The following POM121 variants were observed in gnomAD, a reference collection of about 807,000 sequenced individuals.
The protein encoded by POM121 is nuclear envelope pore membrane protein POM 121.
POM121 carries 32 observed loss-of-function variants against 81.3 expected under a neutral mutation model. That is an observed-to-expected ratio of 0.39 (90% CI 0.30 to 0.53). The LOEUF (loss-of-function observed/expected upper bound fraction) is 0.53, where lower values mean the gene tolerates loss of function less well. Ranked by LOEUF, POM121 falls within the 20% of genes least tolerant of loss-of-function variation. The probability of loss-of-function intolerance (pLI) is 0.66; values close to 1 mark genes in which losing one functional copy is unlikely to be tolerated. For synonymous variants in POM121, 514 were observed against 694.2 expected (o/e 0.74, Z 4.08); for missense variants, 1,138 against 1,614.6 (o/e 0.70, Z 5.06).
chr7:72,949,980 G>C (rs782420332), downstream of POM121: 2 of 1,603,992 alleles, frequency 1.2e-6, no homozygotes, highest in South Asian at 1.1e-5. Flanking sequence ...CAGAACACAG[G>C]GGCCGGGTAA....
At chr7:72,927,694 C>A (rs1554497819) in intron 3 of POM121, among the ~76,000 whole-genome samples, 1 of 148,354 alleles carries the variant, frequency 6.7e-6, no homozygotes, top group Non-Finnish European at 1.5e-5. Flanking sequence ...GGTGACAAAG[C>A]GAGACTGTCT....
intron 4 of POM121, among the ~76,000 whole-genome samples, chr7:72,916,953 T>G (rs1794344883): frequency 6.6e-6 from 1 of 152,222 alleles, no homozygotes; most frequent in Non-Finnish European, 1.5e-5. Context: ...CTGATTTCCA[T>G]CAATTTATTT....
intron 4 of POM121, 32 bp downstream of exon 4, chr7:72,928,497 A>G (rs782319687): frequency 6.2e-7 from 1 of 1,605,098 alleles, no homozygotes; most frequent in East Asian, 2.2e-5. Context: ...TGAAATACCA[A>G]CTGTTTGGAA....
chr7:72,948,957 G>C (rs782743439), downstream of POM121: 6 of 1,611,636 alleles, frequency 3.7e-6, no homozygotes, highest in East Asian at 1.3e-4. Flanking sequence ...CCTGGCAGAG[G>C]GAGCACATGG....
At chr7:72,908,290 A>G (rs781819844) in intron 3 of POM121, among the ~76,000 whole-genome samples, 6 of 152,198 alleles carry the variant, frequency 3.9e-5, no homozygotes, top group Non-Finnish European at 8.8e-5. Context: ...GAGACATCAC[A>G]TGTCGGCAGG....
rs1476002469 is a variant in POM121, at chr7:72,948,036, T to C, written c.*1802T>C. On this transcript the variant is annotated 3_prime_UTR_variant, in exon 13 of 13. Transcript: ENST00000434423. Reference sequence around the variant, plus strand: ...GGCCTAGCAATCAAGCTTCTACCTGTACCTTATGTAAGGTAGACCCTCCTA... The same window carrying C: ...GGCCTAGCAATCAAGCTTCTACCTGCACCTTATGTAAGGTAGACCCTCCTA... 1 of 1,209,762 alleles carries C rather than the reference T, an allele frequency of 8.3e-7. No individual in the cohort carries two copies. Among genetic ancestry groups the C allele is most frequent in the African/African-American group, 1.6e-5 (1 of 63,540 alleles). The allele number at this position is 1,209,762 out of a possible 1,614,324, so 74.9% of individuals were successfully genotyped here. A position where few individuals can be genotyped will look rare whatever the true frequency, so the allele number is the denominator to read the frequency against.
downstream of POM121, chr7:72,949,629 C>T: frequency 4.6e-6 from 3 of 658,506 alleles, no homozygotes; most frequent in Non-Finnish European, 8.2e-6. Context: ...TTAAAGGGCC[C>T]AGGGTCAGAG....
At position 72,927,007 on chromosome 7, in the gene POM121, T is replaced by C. The variant is rs549135243; in HGVS notation, c.1022+44T>C. 20 of 1,613,696 alleles carry C rather than the reference T, an allele frequency of 1.2e-5. No homozygotes were observed. The South Asian group carries it at 2.0e-4, about 16-fold the overall frequency. ...TACTAAGCCGGTTTCGCGCTTGGAC[T>C]CCTATGGGATGAGATGTAGACATTC... On this transcript the variant is annotated intron_variant, in intron 3 of 12. Transcript: ENST00000434423.
At chr7:72,932,281 T>A (rs1249606092) in intron 5 of POM121, among the ~76,000 whole-genome samples, 1 of 151,908 alleles carries the variant, frequency 6.6e-6, no homozygotes, top group Non-Finnish European at 1.5e-5. Flanking sequence ...TTATTGTTTT[T>A]TAAACGGTAT....
At chr7:72,898,812 A>AT (rs1240430636) in intron 3 of POM121, among the ~76,000 whole-genome samples, 48 of 150,780 alleles carry the variant, frequency 3.2e-4, no homozygotes, top group African/African-American at 1.0e-3. Flanking sequence ...AAAAAAAAAA[A>AT]AAAAATGCTG....
Position 72,925,245 on chromosome 7 carries a change from G to C in POM121, c.124G>C (p.Val42Leu), listed in dbSNP as rs1299665004. The C allele has an allele frequency of 1.3e-6, 2 of 1,533,980 alleles. No individual in the cohort carries two copies. The highest frequency in any genetic ancestry group is 3.9e-5 in the Admixed American group (2 of 50,932). ...ARAVLLGLSL[V>L]GLLLYLVPAA... ...GGCGGTGCTCCTGGGCCTGTCGCTGGTTGGCCTCTTACTGTACCTCGTGCC... is the reference window on the plus strand; with the variant it reads ...GGCGGTGCTCCTGGGCCTGTCGCTGCTTGGCCTCTTACTGTACCTCGTGCC... The change falls in exon 1 of 13, where the codon GTT (valine) becomes CTT (leucine). Residue 42 changes from valine to leucine, a missense_variant. Val to Leu is a conservative substitution (Grantham distance 32). Around this residue, in one of 7 missense-constraint regions of POM121, gnomAD observed 646 missense variants for 633.5 expected, o/e 1.02. Coordinates refer to ENST00000434423, the MANE Select transcript of POM121 (RefSeq NM_001387691.1).
At chr7:72,898,979 C>CTTTTTTTTTTTTTTTTTTTTTTT in intron 3 of POM121, among the ~76,000 whole-genome samples, 1 of 34,102 alleles carries the variant, frequency 2.9e-5, no homozygotes, top group Non-Finnish European at 4.9e-5. Context: ...CTTTTCTTTT[C>CTTTTTTTTTTTTTTTTTTTTTTT]TTTTTTTTTT....
intron 3 of POM121, 108 bp from the exon 4 acceptor site, chr7:72,928,277 A>C (rs1554497929): frequency 6.9e-7 from 1 of 1,441,542 alleles, no homozygotes; most frequent in African/African-American, 1.4e-5. Flanking sequence ...TCTATCATGG[A>C]ATCTGTGCTC....
At chr7:72,930,817 G>C (rs1795942895) in intron 5 of POM121, among the ~76,000 whole-genome samples, 1 of 152,024 alleles carries the variant, frequency 6.6e-6, no homozygotes, top group Non-Finnish European at 1.5e-5. Context: ...AACAGAGCAA[G>C]ACTGTGTCTC....
exon 1 of POM121, chr7:72,879,710 C>G (rs1243277062): frequency 6.7e-6 from 3 of 448,610 alleles, no homozygotes; most frequent in African/African-American, 2.0e-5. Context: ...ATCTGGGCCC[C>G]GAGAAGGACA....
chr7:72,924,894 G>T (rs1795194784), upstream of POM121: 1 of 642,390 alleles, frequency 1.6e-6, no homozygotes, highest in South Asian at 3.8e-5. Flanking sequence ...CCTTCCACGG[G>T]ATCGCCTCCG....
At chr7:72,926,584 C>G in intron 2 of POM121, 107 bp downstream of exon 2, 1 of 1,543,650 alleles carries the variant, frequency 6.5e-7, no homozygotes, top group Non-Finnish European at 8.8e-7. Flanking sequence ...GACGAAGCTG[C>G]TTATTTGATG....
intron 11 of POM121, among the ~76,000 whole-genome samples, chr7:72,944,226 A>G (rs1332068963): frequency 2.8e-4 from 42 of 151,232 alleles, no homozygotes; most frequent in African/African-American, 9.8e-4. Context: ...GCCAAGAGGC[A>G]AGGATTGTTT....
chr7:72,941,020 A>C (rs1797006109), intron 10 of POM121, 27 bp downstream of exon 10: 1 of 1,609,178 alleles, frequency 6.2e-7, no homozygotes, highest in Non-Finnish European at 8.5e-7. Context: ...CCGTGGATCC[A>C]GCCTTCTGAG....
Sources: gnomAD v4.1 joint callset for allele counts (sites outside exome capture counted in the v4.1 genomes callset) on GRCh38, gnomAD v4.1.1 for gene constraint, gnomAD v4.1.1 regional missense constraint, MANE v1.5 for transcripts, NCBI Gene and HGNC (gene_info 2026-07-23, HGNC 2026-07-21) for gene names.